RANBP9: variants seen among roughly 807,000 people sequenced by gnomAD.
The protein encoded by RANBP9 is ran-binding protein 9.
A neutral mutation model predicts 84.3 loss-of-function variants in RANBP9; 15 were observed. The ratio of observed to expected loss-of-function variants is 0.18; its 90% CI spans 0.12 to 0.27. The LOEUF is 0.27. RANBP9 is among the 10% of genes least tolerant of loss of function. The pLI is 1.00. For synonymous variants in RANBP9, 392 were observed against 349.6 expected (o/e 1.12, Z -1.35); for missense variants, 809 against 912.8 (o/e 0.89, Z 1.46).
chr6:13,628,534 G>C (rs1562295708), intron 12 of RANBP9, among the ~76,000 whole-genome samples: 1 of 152,186 alleles, frequency 6.6e-6, no homozygotes, highest in East Asian at 1.9e-4. Context: ...ATATGGATTA[G>C]ACTTAATTTT....
At chr6:13,644,319 T>C (rs2127766145) in intron 6 of RANBP9, among the ~76,000 whole-genome samples, 1 of 152,350 alleles carries the variant, frequency 6.6e-6, no homozygotes, top group African/African-American at 2.4e-5. Flanking sequence ...CTTCATCAAA[T>C]TAATTCAGAC....
intron 4 of RANBP9, among the ~76,000 whole-genome samples, chr6:13,655,685 A>T (rs1584926045): frequency 6.6e-6 from 1 of 152,196 alleles, no homozygotes; most frequent in Admixed American, 6.5e-5. Context: ...TGGAAAGTTT[A>T]AAAAGTTTAT....
At position 13,644,599 on chromosome 6, in the gene RANBP9, A is replaced by G. The variant is rs766188406; in HGVS notation, c.1058T>C (p.Ile353Thr). The G allele has an allele frequency of 2.5e-6, 4 of 1,613,508 alleles. No homozygotes were observed. The highest frequency in any genetic ancestry group is 1.1e-5 in the South Asian group (1 of 91,030). Residue 353 changes from isoleucine to threonine, a missense_variant, in exon 6 of 14, where the codon ATA becomes ACA. Ile to Thr is a moderately conservative substitution (Grantham distance 89). Transcript: ENST00000011619. ...TCGATCTCCGATAGGAAATCGATCT[A>G]TCTGTGCCTGGATTTTGGTTCTCCA... Reference protein sequence around the residue: ...REWRTKIQAQIDRFPIGDREG... With the variant: ...REWRTKIQAQTDRFPIGDREG...
At chr6:13,701,861 TC>T (rs1757980413) in intron 1 of RANBP9, among the ~76,000 whole-genome samples, 1 of 152,130 alleles carries the variant, frequency 6.6e-6, no homozygotes, top group Non-Finnish European at 1.5e-5. Flanking sequence ...GTGATCTATG[TC>T]CACGGCAGTC....
chr6:13,699,057 T>C (rs780539651), intron 1 of RANBP9, among the ~76,000 whole-genome samples: 7 of 152,124 alleles, frequency 4.6e-5, no homozygotes, highest in Non-Finnish European at 8.8e-5. Context: ...ATTTACGAAA[T>C]AGGTATTATT....
At position 13,696,850 on chromosome 6, in the gene RANBP9, A is replaced by G; in HGVS notation, c.618T>C (p.His206=). ...PKDAASVRAT[H]PIPAACGIYY... Reference sequence around the variant, plus strand: ...AAATCCCACAGGCTGCTGGTATTGGATGCGTGGCTCGAACTGACGCGGCAT... The same window carrying G: ...AAATCCCACAGGCTGCTGGTATTGGGTGCGTGGCTCGAACTGACGCGGCAT... Residue 206 remains histidine, a synonymous_variant, in exon 2 of 14, where the codon CAT becomes CAC. Coordinates refer to ENST00000011619, the MANE Select transcript of RANBP9 (RefSeq NM_005493.3). 1.2e-6 allele frequency: 2 copies of G among 1,613,522 alleles called. No individual in the cohort carries two copies. Among genetic ancestry groups the G allele is most frequent in the Non-Finnish European group, 1.7e-6 (2 of 1,179,640 alleles).
At chr6:13,642,098 C>T (rs1765079065) in intron 7 of RANBP9, among the ~76,000 whole-genome samples, 1 of 152,138 alleles carries the variant, frequency 6.6e-6, no homozygotes. Context: ...ACTGTATTAG[C>T]CATTTAAATT....
At chr6:13,686,302 T>C (rs1365324722) in intron 2 of RANBP9, among the ~76,000 whole-genome samples, 1 of 151,836 alleles carries the variant, frequency 6.6e-6, no homozygotes, top group Admixed American at 6.6e-5. Flanking sequence ...TATTTATTTT[T>C]TGAGATGGAG....
Position 13,689,472 on chromosome 6 carries a change from A to G in RANBP9, c.683+7313T>C, listed in dbSNP as rs181238648. On this transcript the variant is annotated intron_variant, in intron 2 of 13. Coordinates refer to ENST00000011619, the MANE Select transcript of RANBP9 (RefSeq NM_005493.3). ...TTTTTAGTAGAGATGGGGTTTCACT[A>G]TATGTTGGTCAGGCTAGTCTCGAAC... Among the ~76,000 whole-genome samples, 277 of 151,912 alleles carry G rather than the reference A, an allele frequency of 1.8e-3. 1 individual carries two copies. Among genetic ancestry groups the G allele is most frequent in the Non-Finnish European group, 3.0e-3 (201 of 67,948 alleles).
intron 12 of RANBP9, among the ~76,000 whole-genome samples, chr6:13,630,585 G>C (rs377417473): frequency 6.6e-6 from 1 of 151,876 alleles, no homozygotes; most frequent in Admixed American, 6.6e-5. Flanking sequence ...GTATGATTCA[G>C]GGACACCTGG....
At chr6:13,634,091 T>G (rs1046485803) in intron 11 of RANBP9, among the ~76,000 whole-genome samples, 11 of 152,162 alleles carry the variant, frequency 7.2e-5, no homozygotes, top group Non-Finnish European at 4.4e-5. Flanking sequence ...CATTTGGCCT[T>G]ACTGACTATA....
intron 12 of RANBP9, among the ~76,000 whole-genome samples, chr6:13,631,097 C>T (rs974475061): frequency 7.2e-5 from 11 of 152,212 alleles, no homozygotes; most frequent in East Asian, 3.9e-4. Flanking sequence ...TGTGAGCCAC[C>T]GCGCCCGGCC....
intron 10 of RANBP9, among the ~76,000 whole-genome samples, chr6:13,635,472 T>C (rs1264105038): frequency 6.6e-6 from 1 of 151,714 alleles, no homozygotes; most frequent in Non-Finnish European, 1.5e-5. Context: ...CATTTCTCAT[T>C]ACAAAAGCAA....
At chr6:13,681,425 CA>C (rs1235529321) in intron 2 of RANBP9, among the ~76,000 whole-genome samples, 1 of 151,834 alleles carries the variant, frequency 6.6e-6, no homozygotes, top group Non-Finnish European at 1.5e-5. Context: ...ATTTTAAGTG[CA>C]AAAAACCCAC....
chr6:13,689,310 C>T (rs1401331507), intron 2 of RANBP9, among the ~76,000 whole-genome samples: 12 of 149,374 alleles, frequency 8.0e-5, no homozygotes, highest in Non-Finnish European at 1.5e-4. Context: ...CTCACTCTGT[C>T]GCTAGGCTGG....
At chr6:13,662,886 T>C (rs1246566603) in intron 2 of RANBP9, among the ~76,000 whole-genome samples, 1 of 151,464 alleles carries the variant, frequency 6.6e-6, no homozygotes, top group African/African-American at 2.4e-5. Context: ...AAACAAATAG[T>C]AACATGAAAA....
chr6:13,679,648 G>C (rs1401843803), intron 2 of RANBP9, among the ~76,000 whole-genome samples: 2 of 152,102 alleles, frequency 1.3e-5, no homozygotes, highest in African/African-American at 4.8e-5. Flanking sequence ...TTAAAATCTT[G>C]TTTTTCAACA....
intron 2 of RANBP9, among the ~76,000 whole-genome samples, chr6:13,686,724 T>C (rs1218857187): frequency 1.3e-5 from 2 of 152,176 alleles, no homozygotes; most frequent in Non-Finnish European, 2.9e-5. Flanking sequence ...AAATTGGCAG[T>C]GTATTACTTT....
chr6:13,678,972 C>T (rs760546905), intron 2 of RANBP9, among the ~76,000 whole-genome samples: 1 of 152,036 alleles, frequency 6.6e-6, no homozygotes, highest in African/African-American at 2.4e-5. Flanking sequence ...TTATCTGCAC[C>T]AATGGAACTG....
Sources: gnomAD v4.1 joint callset for allele counts (sites outside exome capture counted in the v4.1 genomes callset) on GRCh38, gnomAD v4.1.1 for gene constraint, MANE v1.5 for transcripts, NCBI Gene and HGNC (gene_info 2026-07-23, HGNC 2026-07-21) for gene names.